Variants in CADPS2 observed in about 807,000 individuals in gnomAD.
The protein encoded by CADPS2 is calcium-dependent secretion activator 2.
A neutral mutation model predicts 172.5 loss-of-function variants in CADPS2; 93 were observed. The observed-to-expected ratio is 0.54, with a 90% CI of 0.46 to 0.64. CADPS2 has a LOEUF of 0.64. CADPS2 is among the 30% of genes least tolerant of loss of function. The pLI, the probability that CADPS2 is intolerant of heterozygous loss-of-function variation, is 0.00. For synonymous variants in CADPS2, 546 were observed against 555.2 expected, an observed-to-expected ratio of 0.98 and a Z score of 0.23; for missense variants, 1,420 against 1,565.9, an observed-to-expected ratio of 0.91 and a Z score of 1.57.
chr7:122,376,264 A>G (rs769278156), intron 25 of CADPS2, among the ~76,000 whole-genome samples: 1 of 152,172 alleles, frequency 6.6e-6, no homozygotes, highest in Non-Finnish European at 1.5e-5. Flanking sequence ...TATCAGAGAG[A>G]TATCTGCACT....
intron 1 of CADPS2, among the ~76,000 whole-genome samples, chr7:122,814,091 A>G (rs1800722965): frequency 6.6e-6 from 1 of 151,952 alleles, no homozygotes; most frequent in Non-Finnish European, 1.5e-5. Flanking sequence ...TGGCCCAGAT[A>G]GCATACCTGG....
intron 14 of CADPS2, among the ~76,000 whole-genome samples, chr7:122,466,420 G>C (rs1172673575): frequency 1.3e-5 from 2 of 152,180 alleles, no homozygotes; most frequent in African/African-American, 4.8e-5. Context: ...TGGGGCCACA[G>C]TGTTTTCCAG....
chr7:122,551,137 T>A (rs73433744), intron 8 of CADPS2, among the ~76,000 whole-genome samples: 1 of 152,066 alleles, frequency 6.6e-6, no homozygotes. Context: ...TTTAAAAAAA[T>A]AGTCATATTA....
intron 6 of CADPS2, among the ~76,000 whole-genome samples, chr7:122,581,770 T>C (rs1049523304): frequency 3.3e-5 from 5 of 152,084 alleles, no homozygotes; most frequent in African/African-American, 1.2e-4. Flanking sequence ...TTATCTCAGA[T>C]CTATTACTTC....
chr7:122,485,741 GGAA>G (rs2057743341), intron 11 of CADPS2, among the ~76,000 whole-genome samples: 1 of 152,158 alleles, frequency 6.6e-6, no homozygotes, highest in East Asian at 1.9e-4. Flanking sequence ...ATCTTCTATT[GGAA>G]GAAGATGCCA....
chr7:122,579,419 T>TA (rs1435255712), intron 7 of CADPS2, among the ~76,000 whole-genome samples: 1 of 147,270 alleles, frequency 6.8e-6, no homozygotes, highest in African/African-American at 2.5e-5. Flanking sequence ...TAAGGGAGCA[T>TA]AAGCGGTTTC....
chr7:122,410,442 C>T (rs1016132849), intron 19 of CADPS2, among the ~76,000 whole-genome samples: 3 of 132,692 alleles, frequency 2.3e-5, no homozygotes, highest in African/African-American at 8.4e-5. Flanking sequence ...ACTTGGAAAG[C>T]CTTTTTTTTT....
chr7:122,767,645 C>G (rs1485460279), intron 1 of CADPS2, among the ~76,000 whole-genome samples: 1 of 152,098 alleles, frequency 6.6e-6, no homozygotes, highest in Admixed American at 6.6e-5. Flanking sequence ...TCCCCGGGAC[C>G]TACCCATAGA....
chr7:122,824,509 C>T (rs911914290), intron 1 of CADPS2, among the ~76,000 whole-genome samples: 6 of 152,150 alleles, frequency 3.9e-5, no homozygotes, highest in African/African-American at 1.2e-4. Context: ...AGTATATTTT[C>T]ATATGATAAA....
rs553331135 is a variant in CADPS2, at chr7:122,602,418, C to T, written c.1223+12763G>A. Among the ~76,000 whole-genome samples the T allele has an allele frequency of 2.2e-4, 34 of 152,066 alleles. No homozygotes were observed. The East Asian group carries it at 6.6e-3, about 29-fold the overall frequency. On this transcript the variant is annotated intron_variant, in intron 6 of 29. Transcript: ENST00000449022. The stretch of plus-strand genomic sequence containing the variant: ...ACCATGGAAGCTAAAAAATGAACAT[C>T]TTTTGCTCTGAAGCTATACATAAGT...
chr7:122,787,897 C>T (rs993228027), intron 1 of CADPS2, among the ~76,000 whole-genome samples: 1 of 152,166 alleles, frequency 6.6e-6, no homozygotes, highest in Non-Finnish European at 1.5e-5. Flanking sequence ...AAGGTCCAGC[C>T]ACCAGCTTAA....
At chr7:122,503,055 G>A (rs1460499603) in intron 9 of CADPS2, among the ~76,000 whole-genome samples, 18 of 147,894 alleles carry the variant, frequency 1.2e-4, no homozygotes, top group East Asian at 2.0e-4. Context: ...TTTTTGAGAC[G>A]GGGTCTCGCT....
intron 25 of CADPS2, among the ~76,000 whole-genome samples, chr7:122,367,198 T>C (rs377462003): frequency 1.1e-4 from 17 of 152,282 alleles, no homozygotes; most frequent in Non-Finnish European, 1.5e-4. Flanking sequence ...AAACTTTAAT[T>C]ACATAATCTA....
intron 6 of CADPS2, among the ~76,000 whole-genome samples, chr7:122,607,401 G>C (rs1038779769): frequency 2.0e-5 from 3 of 152,070 alleles, no homozygotes; most frequent in Non-Finnish European, 4.4e-5. Context: ...TCCTACTTAA[G>C]CCCTTCCAAA....
At chr7:122,439,442 T>C (rs1215356628) in intron 16 of CADPS2, 2 of 152,158 alleles carry the variant, frequency 1.3e-5, no homozygotes, top group African/African-American at 4.8e-5. Context: ...ATGTCTTATA[T>C]TGAAAGGAAT....
chr7:122,714,043 T>C (rs998756816), intron 2 of CADPS2, among the ~76,000 whole-genome samples: 4 of 152,096 alleles, frequency 2.6e-5, no homozygotes, highest in Non-Finnish European at 4.4e-5. Context: ...AGAACATTCA[T>C]GTCACCAATG....
chr7:122,659,135 C>G lies in CADPS2; in HGVS notation c.786+4102G>C, dbSNP rs1588192256. Among the ~76,000 whole-genome samples, 4 of 151,944 alleles carry G rather than the reference C, an allele frequency of 2.6e-5. No homozygotes were observed. The East Asian group carries it at 7.7e-4, about 29-fold the overall frequency. ...ACACAATCTGGAGAGATAAAGCAAG[C>G]ATCTGAACTAGATTCAGATACGAGA... On this transcript the variant is annotated intron_variant, in intron 3 of 29. Transcript: ENST00000449022.
intron 1 of CADPS2, among the ~76,000 whole-genome samples, chr7:122,876,616 G>A (rs1276007422): frequency 6.6e-6 from 1 of 151,952 alleles, no homozygotes; most frequent in African/African-American, 2.4e-5. Context: ...TTCTACCCCA[G>A]CCTCCCAAAA....
rs189685808 is a variant in CADPS2 at position 122,781,509 on chromosome 7, C to T, written c.340-44441G>A. 4.2e-3 allele frequency among the ~76,000 whole-genome samples: 632 copies of T among 152,214 alleles called. 4 individuals carry two copies. Among genetic ancestry groups the T allele is most frequent in the African/African-American group, 0.014 (586 of 41,552 alleles). On this transcript the variant is annotated intron_variant, in intron 1 of 29. Coordinates refer to ENST00000449022, the MANE Select transcript of CADPS2 (RefSeq NM_017954.11). ...CTGTATTGTAATACATAAGAGATTT[C>T]ACATTTATTTCCTTCAACTGCTAAC...
Sources: allele counts gnomAD v4.1 joint callset (sites outside exome capture counted in the v4.1 genomes callset), GRCh38; gene constraint gnomAD v4.1.1; transcripts MANE v1.5; gene names NCBI Gene and HGNC (gene_info 2026-07-23, HGNC 2026-07-21).